CDH18: variants seen among roughly 807,000 people sequenced by gnomAD.
The protein encoded by CDH18 is cadherin-18.
In CDH18, 31 loss-of-function variants were observed where a neutral mutation model predicts 67.9. The ratio of observed to expected loss-of-function variants is 0.46; its 90% CI spans 0.34 to 0.62. The LOEUF is 0.62. CDH18 is among the 20% of genes least tolerant of loss of function. CDH18 has a pLI of 0.01. For synonymous variants in CDH18, 362 were observed against 347.2 expected (o/e 1.04, Z -0.48); for missense variants, 890 against 975.5 (o/e 0.91, Z 1.17).
chr5:20,298,866 A>G (rs1476736201), intron 1 of CDH18, among the ~76,000 whole-genome samples: 1 of 152,062 alleles, frequency 6.6e-6, no homozygotes, highest in Non-Finnish European at 1.5e-5. Flanking sequence ...AGAACTGAAG[A>G]AAAAAAACAT....
intron 3 of CDH18, among the ~76,000 whole-genome samples, chr5:19,806,490 G>A (rs1778042703): frequency 6.6e-6 from 1 of 152,148 alleles, no homozygotes; most frequent in Non-Finnish European, 1.5e-5. Flanking sequence ...CCTTATCAAT[G>A]TACATAATAA....
chr5:20,330,502 A>G (rs993969620), intron 1 of CDH18, among the ~76,000 whole-genome samples: 6 of 152,172 alleles, frequency 3.9e-5, no homozygotes, highest in Non-Finnish European at 7.4e-5. Flanking sequence ...CAGCTTCCCA[A>G]TAAGATCTCT....
chr5:20,117,026 TGTGA>T (rs1459648757), intron 2 of CDH18, among the ~76,000 whole-genome samples: 4 of 149,752 alleles, frequency 2.7e-5, no homozygotes, highest in Admixed American at 6.6e-5. Context: ...TGTGTGTGTG[TGTGA>T]GTGTGTGTGT....
At chr5:20,253,404 T>C (rs1376959775) in intron 2 of CDH18, among the ~76,000 whole-genome samples, 1 of 152,122 alleles carries the variant, frequency 6.6e-6, no homozygotes, top group Non-Finnish European at 1.5e-5. Context: ...GGAACTTAAC[T>C]AGTTTGACAT....
chr5:20,070,246 A>G (rs1272999601), intron 2 of CDH18, among the ~76,000 whole-genome samples: 1 of 152,152 alleles, frequency 6.6e-6, no homozygotes, highest in East Asian at 1.9e-4. Context: ...TTTAGCACTG[A>G]ATAATATTCC....
At chr5:19,625,012 C>T (rs753931185) in intron 5 of CDH18, among the ~76,000 whole-genome samples, 12 of 148,640 alleles carry the variant, frequency 8.1e-5, no homozygotes, top group Non-Finnish European at 1.5e-4. Flanking sequence ...GCCCTTGTAA[C>T]GGTGGCATTC....
chr5:20,019,681 C>G (rs1738226581), intron 2 of CDH18, among the ~76,000 whole-genome samples: 1 of 152,118 alleles, frequency 6.6e-6, no homozygotes, highest in African/African-American at 2.4e-5. Flanking sequence ...AACTGTAAGT[C>G]AATTAAAACA....
At chr5:20,343,411 C>G (rs919860233) in intron 1 of CDH18, among the ~76,000 whole-genome samples, 4 of 152,116 alleles carry the variant, frequency 2.6e-5, no homozygotes, top group African/African-American at 7.2e-5. Flanking sequence ...GACACAGAAT[C>G]CCTTGAATGA....
chr5:19,608,406 TTTTTC>T (rs1748417087), intron 6 of CDH18, among the ~76,000 whole-genome samples: 1 of 151,676 alleles, frequency 6.6e-6, no homozygotes, highest in Non-Finnish European at 1.5e-5. Context: ...CTTTGTTTTC[TTTTTC>T]TTTTAATTTG....
At chr5:19,525,605 A>C (rs1302113345) in intron 9 of CDH18, among the ~76,000 whole-genome samples, 1 of 152,234 alleles carries the variant, frequency 6.6e-6, no homozygotes, top group African/African-American at 2.4e-5. Context: ...TACTAAAAGT[A>C]GGATGATGTA....
At chr5:19,866,982 C>T (rs766981708) in intron 2 of CDH18, among the ~76,000 whole-genome samples, 16 of 152,022 alleles carry the variant, frequency 1.1e-4, no homozygotes, top group South Asian at 2.1e-4. Context: ...CCCAGCTACT[C>T]GGGAGGATGA....
chr5:19,700,416 T>G (rs1201445494), intron 5 of CDH18, among the ~76,000 whole-genome samples: 1 of 152,208 alleles, frequency 6.6e-6, no homozygotes, highest in Non-Finnish European at 1.5e-5. Context: ...GTGTAGCGCA[T>G]GACTGTGTGT....
intron 1 of CDH18, among the ~76,000 whole-genome samples, chr5:20,335,409 AT>A (rs945366877): frequency 3.3e-5 from 5 of 151,596 alleles, no homozygotes; most frequent in Admixed American, 3.3e-4. Context: ...TATTGTTGTT[AT>A]TGTCATTATT....
chr5:19,560,330 G>A (rs1739232576), intron 8 of CDH18, among the ~76,000 whole-genome samples: 2 of 151,946 alleles, frequency 1.3e-5, no homozygotes, highest in African/African-American at 2.4e-5. Flanking sequence ...TAGACCAAAG[G>A]AACAAAATAG....
chr5:19,895,823 A>G (rs911768671), intron 2 of CDH18, among the ~76,000 whole-genome samples: 1 of 152,202 alleles, frequency 6.6e-6, no homozygotes, highest in Admixed American at 6.5e-5. Flanking sequence ...ACAGAGTTGG[A>G]AAACAGGTAA....
Position 19,700,908 on chromosome 5 carries a change from GC to G in CDH18, c.643+20438del, listed in dbSNP as rs1473749169. Among the ~76,000 whole-genome samples, 3 of 151,342 alleles carry G rather than the reference GC, an allele frequency of 2.0e-5. No homozygotes were observed. In the East Asian group the frequency reaches 5.8e-4, roughly 29 times the overall value. On this transcript the variant is annotated intron_variant, in intron 5 of 12. Transcript: ENST00000382275. ...GAAATAGAAATTTTGTTAGAAAAGT[GC>G]AAAAAATTTAAGTAAACAAAGTGTG...
intron 5 of CDH18, among the ~76,000 whole-genome samples, chr5:19,664,472 A>C (rs1757629959): frequency 6.6e-6 from 1 of 151,958 alleles, no homozygotes; most frequent in South Asian, 2.1e-4. Context: ...ATCAAAATTC[A>C]ATCTCAGTAA....
intron 5 of CDH18, among the ~76,000 whole-genome samples, chr5:19,704,602 T>A (rs1763706088): frequency 6.6e-6 from 1 of 152,248 alleles, no homozygotes; most frequent in African/African-American, 2.4e-5. Context: ...GTTTAGGATA[T>A]TATTTTTGAT....
intron 1 of CDH18, among the ~76,000 whole-genome samples, chr5:20,276,404 A>G (rs746289394): frequency 6.6e-6 from 1 of 152,068 alleles, no homozygotes; most frequent in Admixed American, 6.6e-5. Flanking sequence ...CCAGGCTCTC[A>G]CTCCTTGATG....
Sources: gnomAD v4.1 joint callset for allele counts (sites outside exome capture counted in the v4.1 genomes callset) on GRCh38, gnomAD v4.1.1 for gene constraint, MANE v1.5 for transcripts, NCBI Gene and HGNC (gene_info 2026-07-23, HGNC 2026-07-21) for gene names.